ECM1: variants seen among roughly 807,000 people sequenced by gnomAD.
ECM1 encodes the protein extracellular matrix protein 1, also known as secretory component p85.
ECM1 carries 54 observed loss-of-function variants against 57.9 expected under a neutral mutation model. The ratio of observed to expected loss-of-function variants is 0.93; its 90% CI spans 0.75 to 1.17. ECM1 has a LOEUF of 1.17. Among genes scored for constraint, ECM1 ranks in the 50% most tolerant of loss-of-function variants. ECM1 has a pLI of 0.00. For missense variants in ECM1, 649 were observed against 688.1 expected (o/e 0.94, Z 0.64); for synonymous variants, 237 against 259.1 (o/e 0.91, Z 0.82).
intron 3 of ECM1, 75 bp from the exon 4 acceptor site, chr1:150,509,847 G>C (rs779659082): frequency 6.2e-7 from 1 of 1,613,696 alleles, no homozygotes; most frequent in Non-Finnish European, 8.5e-7. Flanking sequence ...GGAAAGGAGG[G>C]AAGAGGCCCT....
Position 150,509,573 on chromosome 1 carries a change from T to C in ECM1, c.113T>C (p.Phe38Ser). 1 of 1,614,112 alleles carries C rather than the reference T, an allele frequency of 6.2e-7. No individual in the cohort carries two copies. The highest frequency in any genetic ancestry group is 8.5e-7 in the Non-Finnish European group (1 of 1,180,008). Residue 38 changes from phenylalanine (F) to serine (S), a missense_variant, in exon 2 of 10, where the codon TTT becomes TCT. Physicochemically the swap from Phe to Ser is radical, Grantham distance 155. Transcript: ENST00000369047. ...TGQRQLRPEHFQEVGYAAPPS... is the reference protein window; with the variant it reads ...TGQRQLRPEHSQEVGYAAPPS... Reference sequence around the variant, plus strand: ...CAGAGGCAGCTGAGGCCAGAGCACTTTCAAGAAGGTAAGAGTTTGGGGGAG... The same window carrying C: ...CAGAGGCAGCTGAGGCCAGAGCACTCTCAAGAAGGTAAGAGTTTGGGGGAG...
chr1:150,509,720 G>GA lies in ECM1; in HGVS notation c.182dup (p.Asp61GlufsTer10). 6.2e-7 allele frequency: 1 copy of GA among 1,611,916 alleles called. No individual in the cohort carries two copies. Among genetic ancestry groups the GA allele is most frequent in the East Asian group, 2.2e-5 (1 of 44,740 alleles). On this transcript the variant is annotated frameshift_variant, in exon 3 of 10. Transcript: ENST00000369047. LOFTEE classifies it high-confidence loss of function. ...CCGAAGCCTCCCCATGGATCACCCT[G>GA]ACTCCTCTCAGCATGGCCCTCCCTT...
chr1:150,511,473 G>A lies in ECM1; in HGVS notation c.725G>A (p.Ser242Asn). 1 of 1,614,130 alleles carries A rather than the reference G, an allele frequency of 6.2e-7. No individual in the cohort carries two copies. Among genetic ancestry groups the A allele is most frequent in the Admixed American group, 1.7e-5 (1 of 60,022 alleles). Residue 242 changes from serine (S) to asparagine (N), a missense_variant, in exon 7 of 10, where the codon AGC (serine) becomes AAC (asparagine). Ser to Asn is a conservative substitution (Grantham distance 46, BLOSUM62 1). Coordinates refer to ENST00000369047, the MANE Select transcript of ECM1 (RefSeq NM_004425.4). ...TTGCTCTAGTGGGAGGAAGCAATGA[G>A]CCGATTCTGTGAGGCCGAGTTCTCG... is the stretch of plus-strand genomic sequence containing the variant. Reference protein sequence around the residue: ...CAKLVWEEAMSRFCEAEFSVK... With the variant: ...CAKLVWEEAMNRFCEAEFSVK...
chr1:150,513,471 A>G lies in ECM1; in HGVS notation c.*4A>G. On this transcript the variant is annotated 3_prime_UTR_variant, in exon 10 of 10. Transcript: ENST00000369047. Reference sequence around the variant, plus strand: ...CTCTGAGCCCAAGGAAGAATGAGTCACCCCAGAGCCCTAGAGGGTCAGATG... The same window carrying G: ...CTCTGAGCCCAAGGAAGAATGAGTCGCCCCAGAGCCCTAGAGGGTCAGATG... 6.2e-7 allele frequency: 1 copy of G among 1,611,806 alleles called. No individual in the cohort carries two copies. Among genetic ancestry groups the G allele is most frequent in the Non-Finnish European group, 8.5e-7 (1 of 1,179,672 alleles).
intron 1 of ECM1, among the ~76,000 whole-genome samples, 173 bp downstream of exon 1, chr1:150,508,452 G>C (rs1300903771): frequency 1.3e-5 from 2 of 152,250 alleles, no homozygotes; most frequent in Admixed American, 1.3e-4. Flanking sequence ...AGGAGGCAGA[G>C]AGCAGGGGCA....
chr1:150,511,753 G>A lies in ECM1; in HGVS notation c.1005G>A (p.Leu335=). The change falls in exon 7 of 10, where the codon CTG becomes CTA. Residue 335 remains leucine (L), a synonymous_variant. Transcript: ENST00000369047. ...CTACTGACCCCCTACAAAGGGAGCTGCTGGCACTGATCCAGCTGGAGAGGG... is the reference window on the plus strand; with the variant it reads ...CTACTGACCCCCTACAAAGGGAGCTACTGGCACTGATCCAGCTGGAGAGGG... ...LPATDPLQRE[L]LALIQLEREF... 6.2e-7 allele frequency: 1 copy of A among 1,614,032 alleles called. No individual in the cohort carries two copies. Among genetic ancestry groups the A allele is most frequent in the Non-Finnish European group, 8.5e-7 (1 of 1,179,936 alleles).
At position 150,509,498 on chromosome 1, in the gene ECM1, C is replaced by A. The variant is rs906155775; in HGVS notation, c.71-33C>A. The A allele has an allele frequency of 9.9e-6, 16 of 1,613,724 alleles. No homozygotes were observed. The African/African-American group carries it at 2.0e-4, about 20-fold the overall frequency. On this transcript the variant is annotated intron_variant, in intron 1 of 9. Transcript: ENST00000369047. ...TGCTGAAGTCCAGGGAAGGCCCTCC[C>A]AGTGGCCCCTGACTTGCCCTTCTTC...
In ECM1 at chr1:150,509,591, T is replaced by G; in HGVS notation, c.121+10T>G. 6.2e-7 allele frequency: 1 copy of G among 1,614,052 alleles called. No individual in the cohort carries two copies. Among genetic ancestry groups the G allele is most frequent in the South Asian group, 1.1e-5 (1 of 91,068 alleles). The stretch of plus-strand genomic sequence containing the variant: ...GAGCACTTTCAAGAAGGTAAGAGTT[T>G]GGGGGAGCAGCATGGGATTGGGACT... On this transcript the variant is annotated intron_variant, in intron 2 of 9. Transcript: ENST00000369047.
intron 5 of ECM1, 47 bp from the exon 6 acceptor site, chr1:150,510,829 T>C (rs1455792952): frequency 6.3e-7 from 1 of 1,595,762 alleles, no homozygotes; most frequent in Non-Finnish European, 8.6e-7. Context: ...CCAGCCTTTG[T>C]GGGTTCCTTC....
rs1388976628 is a variant in ECM1, at chr1:150,510,143, G to C, written c.346G>C (p.Glu116Gln). 7 of 1,613,872 alleles carry C rather than the reference G, an allele frequency of 4.3e-6. No individual in the cohort carries two copies. In the South Asian group the frequency reaches 4.4e-5, roughly 10 times the overall value. ...LPQEAVPLQK[E>Q]LPSLQHPNEQ... ...TCAGGAAGCTGTCCCCCTCCAAAAA[G>C]AGCTGCCCTCTCTCCAGCACCCCAA... The change falls in exon 5 of 10, where the codon GAG (glutamate) becomes CAG (glutamine). Residue 116 changes from glutamate (E) to glutamine (Q), a missense_variant. Physicochemically the swap from Glu to Gln is conservative, Grantham distance 29. Coordinates refer to ENST00000369047, the MANE Select transcript of ECM1 (RefSeq NM_004425.4).
intron 7 of ECM1, 142 bp from the exon 8 acceptor site, chr1:150,512,210 C>T (rs1670462332): frequency 1.1e-5 from 10 of 926,302 alleles, no homozygotes; most frequent in Non-Finnish European, 1.5e-5. Context: ...TGCCTCCTAA[C>T]CCTCTACTTT....
At position 150,512,931 on chromosome 1, in the gene ECM1, G is replaced by A. The variant is rs918214746; in HGVS notation, c.1392+119G>A. 6.0e-5 allele frequency: 70 copies of A among 1,164,808 alleles called. 3 individuals are homozygous for A. The South Asian group carries it at 8.9e-4, about 15-fold the overall frequency. 72.2% of individuals were successfully genotyped at this position (1,164,808 alleles called of 1,614,324 possible). The stretch of plus-strand genomic sequence containing the variant: ...CCAGCCTTTGGTTATAATGACTAGT[G>A]GGGGAGGTGTTTTTTTCTTGGTTCC... On this transcript the variant is annotated intron_variant, in intron 9 of 9. Transcript: ENST00000369047.
chr1:150,512,816 A>T lies in ECM1; in HGVS notation c.1392+4A>T, dbSNP rs776817791. 9 of 1,613,966 alleles carry T rather than the reference A, an allele frequency of 5.6e-6. No homozygotes were observed. In the East Asian group the frequency reaches 2.0e-4, roughly 36 times the overall value. On this transcript the variant is annotated splice_donor_region_variant and intron_variant, in intron 9 of 9. Coordinates refer to ENST00000369047, the MANE Select transcript of ECM1 (RefSeq NM_004425.4). ...GGCCTGCTGTGCAGAGGAGGAGGTG[A>T]GTGTGTGGAGTCTAGTCTCCAGAGG...
intron 1 of ECM1, among the ~76,000 whole-genome samples, chr1:150,508,673 G>C (rs587624422): frequency 1.3e-5 from 2 of 152,148 alleles, no homozygotes; most frequent in South Asian, 4.1e-4. Flanking sequence ...CTGACTCCCT[G>C]TCTGATTAGA....
At position 150,513,541 on chromosome 1, in the gene ECM1, T is replaced by C; in HGVS notation, c.*74T>C. On this transcript the variant is annotated 3_prime_UTR_variant, in exon 10 of 10. Coordinates refer to ENST00000369047, the MANE Select transcript of ECM1 (RefSeq NM_004425.4). Reference sequence around the variant, plus strand: ...CCACCCATCTGAACACTCATTACACTAAACACCTCTTGGATTTGGTGTCCT... The same window carrying C: ...CCACCCATCTGAACACTCATTACACCAAACACCTCTTGGATTTGGTGTCCT... 7.8e-7 allele frequency: 1 copy of C among 1,285,340 alleles called. No homozygotes were observed. Among genetic ancestry groups the C allele is most frequent in the South Asian group, 1.4e-5 (1 of 73,602 alleles). The allele number at this position is 1,285,340 out of a possible 1,614,324, so 79.6% of individuals were successfully genotyped here.
In ECM1 at chr1:150,512,434, G is replaced by T; in HGVS notation, c.1166G>T (p.Ser389Ile). ...CACTTGTGTTGCCGCCACCCTCCCA[G>T]CCCTACTCGGGATGAGTGCTTTGCC... ...HHHLCCRHPP[S>I]PTRDECFARR... Residue 389 changes from serine (S) to isoleucine (I), a missense_variant, in exon 8 of 10, where the codon AGC (serine) becomes ATC (isoleucine). By Grantham distance (142) the Ser-to-Ile change is moderately radical. Transcript: ENST00000369047. 1 of 1,613,588 alleles carries T rather than the reference G, an allele frequency of 6.2e-7. No homozygotes were observed. The highest frequency in any genetic ancestry group is 8.5e-7 in the Non-Finnish European group (1 of 1,179,946).
At chr1:150,508,802 AAAAAGG>A (rs1001967555) in intron 1 of ECM1, among the ~76,000 whole-genome samples, 1 of 152,152 alleles carries the variant, frequency 6.6e-6, no homozygotes. Flanking sequence ...AAACTAAGAA[AAAAAGG>A]AAAAGAAAAG....
rs1670505767 is a variant in ECM1, at chr1:150,513,666, AC to A, written c.*202del. On this transcript the variant is annotated 3_prime_UTR_variant, in exon 10 of 10. Transcript: ENST00000369047. The stretch of plus-strand genomic sequence containing the variant: ...TTTCAGACACACCACAGACAAACAC[AC>A]CCTCCTAAGCCTGCTTGTATTTCCT... 1.7e-6 allele frequency: 1 copy of A among 572,314 alleles called. No homozygotes were observed. Among genetic ancestry groups the A allele is most frequent in the South Asian group, 2.0e-5 (1 of 49,500 alleles). 35.5% of individuals were successfully genotyped at this position (572,314 alleles called of 1,614,324 possible).
At chr1:150,510,829 T>G in intron 5 of ECM1, 47 bp from the exon 6 acceptor site, 8 of 1,595,762 alleles carry the variant, frequency 5.0e-6, no homozygotes, top group Non-Finnish European at 6.9e-6. Context: ...CCAGCCTTTG[T>G]GGGTTCCTTC....
Sources: gnomAD v4.1 joint callset for allele counts (sites outside exome capture counted in the v4.1 genomes callset) on GRCh38, gnomAD v4.1.1 for gene constraint, MANE v1.5 for transcripts, NCBI Gene and HGNC (gene_info 2026-07-23, HGNC 2026-07-21) for gene names.